SCNN1B: variants seen among roughly 807,000 people sequenced by gnomAD.
SCNN1B encodes the protein sodium channel epithelial 1 subunit beta, also known as epithelial sodium channel subunit beta.
Under a neutral mutation model 65.3 loss-of-function variants are expected in SCNN1B, and 46 were observed. The ratio of observed to expected loss-of-function variants is 0.70; its 90% CI spans 0.56 to 0.90. The LOEUF (loss-of-function observed/expected upper bound fraction) is 0.90, where lower values mean the gene tolerates loss of function less well. Among genes scored for constraint, SCNN1B ranks in the 40% least tolerant of loss-of-function variants. The pLI is 0.00. For missense variants in SCNN1B, 751 were observed against 830.5 expected (o/e 0.90, Z 1.18); for synonymous variants, 349 against 330.6 (o/e 1.06, Z -0.60).
intron 10 of SCNN1B, 22 bp from the exon 11 acceptor site, chr16:23,378,684 C>T (rs776106217): frequency 6.2e-7 from 1 of 1,613,808 alleles, no homozygotes; most frequent in South Asian, 1.1e-5. Context: ...GCAACTTTTG[C>T]AACCACCTTC....
At chr16:23,340,208 G>A (rs1962027416) in intron 1 of SCNN1B, among the ~76,000 whole-genome samples, 1 of 152,130 alleles carries the variant, frequency 6.6e-6, no homozygotes, top group Non-Finnish European at 1.5e-5. Flanking sequence ...TTCTTTGTCA[G>A]ACATATGTAT....
At chr16:23,340,931 CATGT>C (rs1962042555) in intron 1 of SCNN1B, among the ~76,000 whole-genome samples, 1 of 151,768 alleles carries the variant, frequency 6.6e-6, no homozygotes, top group Non-Finnish European at 1.5e-5. Context: ...TGTACACATG[CATGT>C]GTGTCTGATT....
chr16:23,365,819 C>T (rs1204397848), intron 4 of SCNN1B, among the ~76,000 whole-genome samples: 1 of 152,206 alleles, frequency 6.6e-6, no homozygotes, highest in African/African-American at 2.4e-5. Flanking sequence ...TGAGGAAACC[C>T]AAGCTCAGAG....
chr16:23,332,493 G>A (rs557078881), intron 1 of SCNN1B, among the ~76,000 whole-genome samples: 13 of 152,042 alleles, frequency 8.6e-5, no homozygotes, highest in Admixed American at 3.9e-4. Context: ...CACAGCACCC[G>A]GCCTCGTTTT....
At position 23,381,165 on chromosome 16, in the gene SCNN1B, T is replaced by C. The variant is rs1364523296; in HGVS notation, c.*364T>C. 3.0e-6 allele frequency: 1 copy of C among 332,102 alleles called. No individual in the cohort carries two copies. The highest frequency in any genetic ancestry group is 5.7e-6 in the Non-Finnish European group (1 of 175,206). The allele number at this position is 332,102 out of a possible 1,614,324, so 20.6% of individuals were successfully genotyped here. A position where few individuals can be genotyped will look rare whatever the true frequency, so the allele number is the denominator to read the frequency against. ...GAGAGGAACAGGCGGGTGGGCCATG[T>C]GGTTTTCTCCTTCCTGGCCTTGGCT... On this transcript the variant is annotated 3_prime_UTR_variant, in exon 13 of 13. Coordinates refer to ENST00000343070, the MANE Select transcript of SCNN1B (RefSeq NM_000336.3).
intron 2 of SCNN1B, among the ~76,000 whole-genome samples, chr16:23,286,395 C>T (rs1302554049): frequency 6.6e-6 from 1 of 152,192 alleles, no homozygotes; most frequent in Non-Finnish European, 1.5e-5. Flanking sequence ...CCATAGAGAA[C>T]TTACTGGTTC....
At chr16:23,372,956 A>T (rs1368824833) in intron 7 of SCNN1B, among the ~76,000 whole-genome samples, 5 of 151,632 alleles carry the variant, frequency 3.3e-5, no homozygotes, top group African/African-American at 1.2e-4. Flanking sequence ...AAAAAAAAAA[A>T]ATTAGCCAGG....
At chr16:23,360,225 T>TAAATAAATAAAC (rs748501690) in intron 4 of SCNN1B, among the ~76,000 whole-genome samples, 18 of 150,132 alleles carry the variant, frequency 1.2e-4, no homozygotes, top group Middle Eastern at 3.5e-3. Flanking sequence ...AATAAATAAA[T>TAAATAAATAAAC]AAACAAATAA....
At chr16:23,324,896 C>A (rs186282919) in intron 1 of SCNN1B, among the ~76,000 whole-genome samples, 2 of 152,232 alleles carry the variant, frequency 1.3e-5, no homozygotes, top group African/African-American at 4.8e-5. Context: ...CATTGGCACC[C>A]CCCCAAGTCC....
At chr16:23,379,728 G>A (rs1446786986) in intron 11 of SCNN1B, among the ~76,000 whole-genome samples, 4 of 152,182 alleles carry the variant, frequency 2.6e-5, no homozygotes, top group Non-Finnish European at 4.4e-5. Flanking sequence ...AGATCTTTGG[G>A]GCTGTCCCAG....
chr16:23,355,251 G>A (rs369226216), intron 3 of SCNN1B, 48 bp from the exon 4 acceptor site: 13 of 1,594,112 alleles, frequency 8.2e-6, no homozygotes, highest in Middle Eastern at 1.7e-4. Flanking sequence ...CTGGGGTCCT[G>A]CTAGCAGCTC....
At chr16:23,336,011 C>T (rs945292968) in intron 1 of SCNN1B, among the ~76,000 whole-genome samples, 15 of 152,242 alleles carry the variant, frequency 9.9e-5, no homozygotes, top group African/African-American at 3.1e-4. Context: ...ACAGAGGATG[C>T]GGGCAGCTGC....
chr16:23,307,976 T>C lies in SCNN1B; in HGVS notation c.-9+5539T>C, dbSNP rs57487827. ...GAGAGGATTGCTTGAGCCCAGGAGA[T>C]TGAGGCTGCAGTGAGCTATGATCAT... On this transcript the variant is annotated intron_variant, in intron 1 of 12. Coordinates refer to ENST00000343070, the MANE Select transcript of SCNN1B (RefSeq NM_000336.3). Among the ~76,000 whole-genome samples the C allele has an allele frequency of 8.7e-3, 1,320 of 152,084 alleles. 23 individuals are homozygous for C. Among genetic ancestry groups the C allele is most frequent in the African/African-American group, 0.03 (1,240 of 41,478 alleles).
At chr16:23,360,201 AAAATAAATAAAT>A (rs781261312) in intron 4 of SCNN1B, among the ~76,000 whole-genome samples, 1 of 132,752 alleles carries the variant, frequency 7.5e-6, no homozygotes, top group Non-Finnish European at 1.7e-5. Context: ...CCATCTCAAA[AAAATAAATAAAT>A]AAATAAATAA....
upstream of SCNN1B, among the ~76,000 whole-genome samples, chr16:23,299,699 T>C (rs994771897): frequency 2.0e-5 from 3 of 152,184 alleles, no homozygotes; most frequent in Non-Finnish European, 2.9e-5. Flanking sequence ...CAACAGATGC[T>C]GGAGAGGATG....
At chr16:23,281,645 T>C (rs894853712) in intron 1 of SCNN1B, among the ~76,000 whole-genome samples, 6 of 152,170 alleles carry the variant, frequency 3.9e-5, no homozygotes, top group Non-Finnish European at 8.8e-5. Context: ...AGCTAGATAA[T>C]GGGTACACAT....
Position 23,352,936 on chromosome 16 carries a change from C to T in SCNN1B, c.447C>T (p.Pro149=), listed in dbSNP as rs1392902977. 6.2e-7 allele frequency: 1 copy of T among 1,614,162 alleles called. No homozygotes were observed. Among genetic ancestry groups the T allele is most frequent in the East Asian group, 2.2e-5 (1 of 44,878 alleles). Residue 149 remains proline, a synonymous_variant, in exon 3 of 13, where the codon CCC becomes CCT. Coordinates refer to ENST00000343070, the MANE Select transcript of SCNN1B (RefSeq NM_000336.3). ...ACTTCTCCATCTGGAACCACACACC[C>T]CTGGTCCTTATTGATGAACGGAACC... ...NLNFSIWNHT[P]LVLIDERNPH... is the part of the protein sequence containing the mutation.
In SCNN1B at chr16:23,329,088, C is replaced by G. The variant is rs1430422950; in HGVS notation, c.-8-19504C>G. Among the ~76,000 whole-genome samples the G allele has an allele frequency of 1.3e-4, 20 of 148,642 alleles. No individual in the cohort carries two copies. The Admixed American group carries it at 1.3e-3, about 10-fold the overall frequency. On this transcript the variant is annotated intron_variant, in intron 1 of 12. Coordinates refer to ENST00000343070, the MANE Select transcript of SCNN1B (RefSeq NM_000336.3). ...GTGCTGGGATTACAGGCATGAGCCA[C>G]CATGCCTAGCTTGTTTATTATTATC... is the stretch of plus-strand genomic sequence containing the variant.
chr16:23,353,184 G>C, intron 3 of SCNN1B, 110 bp downstream of exon 3: 1 of 1,304,098 alleles, frequency 7.7e-7, no homozygotes, highest in Non-Finnish European at 1.1e-6. Flanking sequence ...CAAGATGGAA[G>C]CCAGAGCCTG....
Sources: allele counts gnomAD v4.1 joint callset (sites outside exome capture counted in the v4.1 genomes callset), GRCh38; gene constraint gnomAD v4.1.1; transcripts MANE v1.5; gene names NCBI Gene and HGNC (gene_info 2026-07-23, HGNC 2026-07-21).